Variants in DCLK1 observed in about 807,000 individuals in gnomAD.
DCLK1 encodes the protein doublecortin like kinase 1, also known as serine/threonine-protein kinase DCLK1.
In DCLK1, 16 loss-of-function variants were observed where a neutral mutation model predicts 86.2. That is an observed-to-expected ratio of 0.19 (90% CI 0.13 to 0.28). The LOEUF (loss-of-function observed/expected upper bound fraction) is 0.28. DCLK1 is among the 10% of genes least tolerant of loss of function. The pLI is 1.00. For missense variants in DCLK1, 590 were observed against 940.2 expected (o/e 0.63, Z 4.87); for synonymous variants, 369 against 370.5 (o/e 1.00, Z 0.05).
chr13:35,791,898 A>C (rs1185373129), intron 16 of DCLK1, among the ~76,000 whole-genome samples: 2 of 152,208 alleles, frequency 1.3e-5, no homozygotes, highest in Non-Finnish European at 2.9e-5. Flanking sequence ...AAATGTTTGG[A>C]ATAGACATAT....
At chr13:36,100,036 A>G (rs549895328) in intron 3 of DCLK1, among the ~76,000 whole-genome samples, 1 of 152,056 alleles carries the variant, frequency 6.6e-6, no homozygotes, top group South Asian at 2.1e-4. Context: ...GAGAAAAGCA[A>G]TTTTTGCTAT....
chr13:36,055,754 G>A (rs1190886326), intron 3 of DCLK1, among the ~76,000 whole-genome samples: 4 of 144,008 alleles, frequency 2.8e-5, no homozygotes, highest in Admixed American at 7.0e-5. Flanking sequence ...CTGATGTTGA[G>A]GTCAGTAATA....
At chr13:35,799,579 G>A (rs1254050604) in intron 15 of DCLK1, among the ~76,000 whole-genome samples, 1 of 151,978 alleles carries the variant, frequency 6.6e-6, no homozygotes, top group Non-Finnish European at 1.5e-5. Context: ...TATTAAATTG[G>A]CAAAATAATT....
At chr13:35,927,269 T>C (rs767636271) in intron 4 of DCLK1, among the ~76,000 whole-genome samples, 1 of 152,248 alleles carries the variant, frequency 6.6e-6, no homozygotes, top group Non-Finnish European at 1.5e-5. Context: ...TACATATTTT[T>C]AGATGAATCA....
intron 3 of DCLK1, among the ~76,000 whole-genome samples, chr13:36,099,141 T>C (rs1372020293): frequency 6.6e-6 from 1 of 152,040 alleles, no homozygotes; most frequent in African/African-American, 2.4e-5. Context: ...CTCATTTTTG[T>C]ATTTTTAGTA....
At chr13:35,854,414 CGAGCAGCACGATTT>C in intron 6 of DCLK1, 71 bp downstream of exon 6, 1 of 1,096,122 alleles carries the variant, frequency 9.1e-7, no homozygotes, top group South Asian at 2.3e-5. Context: ...CGCCTAGAGA[CGAGCAGCACGATTT>C]GCTGGCACCT....
rs1365613914 is a variant in DCLK1, at chr13:35,769,186, T to A, written c.*5349A>T. The A allele has an allele frequency of 6.6e-6, 1 of 152,184 alleles. No individual in the cohort carries two copies. Among genetic ancestry groups the A allele is most frequent in the Non-Finnish European group, 1.5e-5 (1 of 68,044 alleles). The allele number at this position is 152,184 out of a possible 1,614,324, so 9.4% of individuals were successfully genotyped here. A position where few individuals can be genotyped will look rare whatever the true frequency, so the allele number is the denominator to read the frequency against. On this transcript the variant is annotated 3_prime_UTR_variant, in exon 17 of 17. Transcript: ENST00000360631. The stretch of plus-strand genomic sequence containing the variant: ...CACCTTTAATTAAGGACACAAATTG[T>A]TTGAAAGTTATTTCATTAGGATTCT...
chr13:35,997,488 A>G (rs1342248999), intron 3 of DCLK1, among the ~76,000 whole-genome samples: 1 of 152,198 alleles, frequency 6.6e-6, no homozygotes, highest in Non-Finnish European at 1.5e-5. Flanking sequence ...GGTTAATTTC[A>G]TTCTGACAAT....
chr13:36,069,660 A>C (rs1336723961), intron 3 of DCLK1, among the ~76,000 whole-genome samples: 1 of 151,848 alleles, frequency 6.6e-6, no homozygotes, highest in Non-Finnish European at 1.5e-5. Context: ...ACCTCTTCCC[A>C]CCTGGATCCT....
chr13:36,005,446 C>A (rs191719804), intron 3 of DCLK1, among the ~76,000 whole-genome samples: 34 of 152,270 alleles, frequency 2.2e-4, no homozygotes, highest in Non-Finnish European at 4.1e-4. Flanking sequence ...AGTAAATAAT[C>A]TTGCATCTTG....
chr13:35,850,748 T>G, intron 6 of DCLK1: 1 of 1,603,942 alleles, frequency 6.2e-7, no homozygotes, highest in Non-Finnish European at 8.5e-7. Context: ...TGAATCCAAG[T>G]CATCCGAAGA....
At chr13:36,124,408 T>C (rs1428457315) in intron 2 of DCLK1, among the ~76,000 whole-genome samples, 2 of 152,230 alleles carry the variant, frequency 1.3e-5, no homozygotes, top group African/African-American at 4.8e-5. Flanking sequence ...CGAAAAGGGA[T>C]GTGAATTCCC....
chr13:35,877,520 T>C (rs1872656429), intron 4 of DCLK1, among the ~76,000 whole-genome samples: 1 of 152,226 alleles, frequency 6.6e-6, no homozygotes, highest in South Asian at 2.1e-4. Flanking sequence ...CTAGACAGCC[T>C]TGGTGACATG....
At chr13:35,783,516 T>G (rs2086567406) in intron 16 of DCLK1, among the ~76,000 whole-genome samples, 1 of 152,132 alleles carries the variant, frequency 6.6e-6, no homozygotes, top group Non-Finnish European at 1.5e-5. Context: ...CCAGGGCTTC[T>G]TGACTCCAAA....
At chr13:36,092,788 G>C (rs575733540) in intron 3 of DCLK1, among the ~76,000 whole-genome samples, 44 of 152,216 alleles carry the variant, frequency 2.9e-4, no homozygotes, top group Middle Eastern at 3.4e-3. Context: ...GCCCGGCCGC[G>C]AGAGGCGTTT....
chr13:35,920,164 C>T (rs1566603118), intron 4 of DCLK1, among the ~76,000 whole-genome samples: 1 of 152,190 alleles, frequency 6.6e-6, no homozygotes, highest in Non-Finnish European at 1.5e-5. Flanking sequence ...ATATGGACAT[C>T]TCTCTACTCG....
chr13:35,774,280 T>C lies in DCLK1; in HGVS notation c.*255A>G. On this transcript the variant is annotated 3_prime_UTR_variant, in exon 17 of 17. Transcript: ENST00000360631. ...GATGAAAACATTCATTGCTTCTAAG[T>C]TTAAAAAAAAATTGCAAATTGGCCT... The C allele has an allele frequency of 4.7e-6, 2 of 426,932 alleles. No individual in the cohort carries two copies. The highest frequency in any genetic ancestry group is 2.0e-5 in the African/African-American group (1 of 51,116). The allele number at this position is 426,932 out of a possible 1,614,324, so 26.4% of individuals were successfully genotyped here.
At chr13:35,797,148 C>T (rs373123463) in intron 15 of DCLK1, among the ~76,000 whole-genome samples, 11 of 152,256 alleles carry the variant, frequency 7.2e-5, no homozygotes, top group African/African-American at 4.8e-5. Flanking sequence ...ACAGGGTTGC[C>T]GTATGATCGG....
At chr13:35,917,846 G>A (rs1021515925) in intron 4 of DCLK1, among the ~76,000 whole-genome samples, 2 of 152,008 alleles carry the variant, frequency 1.3e-5, no homozygotes, top group African/African-American at 2.4e-5. Context: ...GTGGAGAGGC[G>A]TTCTCTAGCT....
Sources: gnomAD v4.1 joint callset for allele counts (sites outside exome capture counted in the v4.1 genomes callset) on GRCh38, gnomAD v4.1.1 for gene constraint, MANE v1.5 for transcripts, NCBI Gene and HGNC (gene_info 2026-07-23, HGNC 2026-07-21) for gene names.